CDC25A: variants seen among roughly 807,000 people sequenced by gnomAD.
CDC25A encodes the protein cell division cycle 25A.
CDC25A carries 17 observed loss-of-function variants against 64.6 expected under a neutral mutation model. The ratio of observed to expected loss-of-function variants is 0.26; its 90% CI spans 0.18 to 0.39. The LOEUF (loss-of-function observed/expected upper bound fraction) is 0.39. CDC25A is among the 10% of genes least tolerant of loss of function. CDC25A has a pLI of 1.00. For synonymous variants in CDC25A, 229 were observed against 238.6 expected, an observed-to-expected ratio of 0.96 and a Z score of 0.37; for missense variants, 473 against 654.8, an observed-to-expected ratio of 0.72 and a Z score of 3.03.
chr3:48,186,144 C>G (rs746207877), intron 2 of CDC25A, among the ~76,000 whole-genome samples: 6 of 152,220 alleles, frequency 3.9e-5, no homozygotes, highest in African/African-American at 7.2e-5. Flanking sequence ...CTGAATGCCA[C>G]TTACAGTGGT....
intron 13 of CDC25A, among the ~76,000 whole-genome samples, chr3:48,162,266 TTGTG>T (rs35591959): frequency 8.6e-4 from 124 of 144,786 alleles, no homozygotes; most frequent in Middle Eastern, 3.5e-3. Flanking sequence ...AGTATAACCT[TTGTG>T]TGTGTGTGTG....
chr3:48,164,798 A>G (rs1376736241), intron 12 of CDC25A, among the ~76,000 whole-genome samples: 1 of 152,130 alleles, frequency 6.6e-6, no homozygotes, highest in Admixed American at 6.6e-5. Context: ...TTTAAACACT[A>G]TTAATCGGGT....
chr3:48,180,198 C>T (rs1309592200), intron 6 of CDC25A: 1 of 152,260 alleles, frequency 6.6e-6, no homozygotes, highest in Non-Finnish European at 1.5e-5. Flanking sequence ...AGATTATAGG[C>T]ATGAGCCATG....
At chr3:48,184,158 G>A (rs1022119836) in intron 3 of CDC25A, among the ~76,000 whole-genome samples, 2 of 151,956 alleles carry the variant, frequency 1.3e-5, no homozygotes, top group Non-Finnish European at 2.9e-5. Flanking sequence ...CAGGAGTCTC[G>A]AACTCCTGGC....
rs781124013 is a variant in CDC25A, at chr3:48,184,665, T to C, written c.278A>G (p.Asp93Gly). ...GFCLDSPGPL[D>G]SKENLENPMR... ...AGTGAATACATACTTTTCTTTACTG[T>C]CCAATGGCCCAGGAGAATCTAGACA... Residue 93 changes from aspartate (D) to glycine (G), a missense_variant, in exon 3 of 15, where the codon GAC (aspartate) becomes GGC (glycine). Physicochemically the swap from Asp to Gly is moderately conservative, Grantham distance 94. This residue lies in a region of CDC25A where 376 missense variants were observed against 431.9 expected (regional missense o/e 0.87). Transcript: ENST00000302506. 1 of 1,593,370 alleles carries C rather than the reference T, an allele frequency of 6.3e-7. No homozygotes were observed. Among genetic ancestry groups the C allele is most frequent in the Non-Finnish European group, 8.5e-7 (1 of 1,172,886 alleles).
In CDC25A at chr3:48,167,864, A is replaced by G. The variant is rs773043129; in HGVS notation, c.1011T>C (p.Leu337=). The part of the protein sequence containing the change: ...ENILDNDPRD[L]IGDFSKGYLF... ...CAATTACCTTGGAGAAGTCTCCTAT[A>G]AGGTCCCTTGGGTCATTGTCCAAAA... The change falls in exon 10 of 15, where the codon CTT becomes CTC. Residue 337 remains leucine (L), a synonymous_variant. Transcript: ENST00000302506. 2 of 1,594,082 alleles carry G rather than the reference A, an allele frequency of 1.3e-6. No homozygotes were observed. The highest frequency in any genetic ancestry group is 2.2e-5 in the South Asian group (2 of 90,692).
intron 14 of CDC25A, 119 bp from the exon 15 acceptor site, chr3:48,159,204 T>C (rs931142383): frequency 8.9e-6 from 12 of 1,350,334 alleles, no homozygotes; most frequent in African/African-American, 1.5e-5. Flanking sequence ...GAGCCAGTTC[T>C]ACAGGGGCTT....
chr3:48,177,466 T>A, intron 7 of CDC25A, 24 bp from the exon 8 acceptor site: 1 of 1,584,852 alleles, frequency 6.3e-7, no homozygotes, highest in Non-Finnish European at 8.7e-7. Context: ...AAAACTGATT[T>A]TAAAAAGAGC....
chr3:48,159,163 A>T, intron 14 of CDC25A, 78 bp from the exon 15 acceptor site: 1 of 1,546,962 alleles, frequency 6.5e-7, no homozygotes, highest in South Asian at 1.2e-5. Context: ...GCCTAGGGCT[A>T]CAAGGCTGAA....
rs558740232 is a variant in CDC25A at position 48,157,343 on chromosome 3, G to A, written c.*1602C>T. The stretch of plus-strand genomic sequence containing the variant: ...AACCAGTTGGAATCTGTCTCAATGC[G>A]CGTGTAGGAAGAAGTCCTCTCCCCC... On this transcript the variant is annotated 3_prime_UTR_variant, in exon 15 of 15. Transcript: ENST00000302506. 16 of 152,438 alleles carry A rather than the reference G, an allele frequency of 1.0e-4. No homozygotes were observed. The highest frequency in any genetic ancestry group is 3.9e-4 in the East Asian group (2 of 5,182). The allele number at this position is 152,438 out of a possible 1,614,324, so 9.4% of individuals were successfully genotyped here.
At chr3:48,180,110 TA>T (rs1270093676) in intron 6 of CDC25A, among the ~76,000 whole-genome samples, 2 of 151,704 alleles carry the variant, frequency 1.3e-5, no homozygotes, top group South Asian at 2.1e-4. Flanking sequence ...AAATTAAAAA[TA>T]AAAAAAATAG....
At position 48,174,387 on chromosome 3, in the gene CDC25A, G is replaced by C; in HGVS notation, c.827C>G (p.Pro276Arg). 6.2e-7 allele frequency: 1 copy of C among 1,614,102 alleles called. No individual in the cohort carries two copies. Among genetic ancestry groups the C allele is most frequent in the South Asian group, 1.1e-5 (1 of 91,084 alleles). Residue 276 changes from proline (P) to arginine (R), a missense_variant, in exon 9 of 15, where the codon CCA becomes CGA. Around this residue, in one of 2 missense-constraint regions of CDC25A, gnomAD observed 376 missense variants for 431.9 expected, o/e 0.87. Transcript: ENST00000302506. ...TGGAGACTCCTCTTGAGATCGTTCT[G>C]GTCTCTTCAACACTGACCGAGTGCT... ...SSSTRSVLKR[P>R]ERSQEESPPG...
rs575254536 is a variant in CDC25A, at chr3:48,175,592, T to C, written c.757-1135A>G. ...GAGACCGGGGATTTTCTTCCTCTTT[T>C]GTGTGAAGTTTATTTTCCATTACAG... On this transcript the variant is annotated intron_variant, in intron 8 of 14. Transcript: ENST00000302506. Among the ~76,000 whole-genome samples, 3 of 152,322 alleles carry C rather than the reference T, an allele frequency of 2.0e-5. No individual in the cohort carries two copies. The East Asian group carries it at 5.8e-4, about 29-fold the overall frequency.
At chr3:48,178,832 A>C (rs529232189) in intron 6 of CDC25A, among the ~76,000 whole-genome samples, 1 of 152,228 alleles carries the variant, frequency 6.6e-6, no homozygotes, top group Non-Finnish European at 1.5e-5. Context: ...TCATAAATCC[A>C]CACCTGAAGA....
intron 9 of CDC25A, among the ~76,000 whole-genome samples, chr3:48,171,301 G>T (rs968825081): frequency 1.3e-5 from 2 of 151,972 alleles, no homozygotes; most frequent in Non-Finnish European, 2.9e-5. Flanking sequence ...TTGAACTGGG[G>T]AGGCGGAGGT....
chr3:48,187,008 T>C (rs1423782027), intron 1 of CDC25A, among the ~76,000 whole-genome samples: 1 of 152,210 alleles, frequency 6.6e-6, no homozygotes. Context: ...TTGCAGGTTA[T>C]GATGGCTATG....
Position 48,187,903 on chromosome 3 carries a change from G to A in CDC25A, c.45C>T (p.Phe15=). The A allele has an allele frequency of 6.5e-7, 1 of 1,542,414 alleles. No homozygotes were observed. Among genetic ancestry groups the A allele is most frequent in the Non-Finnish European group, 8.7e-7 (1 of 1,144,654 alleles). ...GCGACGCGGGAGGGGGGCTGCAGGC[G>A]AAGAGCAGGCGGCGGCGGTGCGGGG... The part of the protein sequence containing the change: ...PEPPHRRRLL[F]ACSPPPASQP... The change falls in exon 1 of 15, where the codon TTC becomes TTT. Residue 15 remains phenylalanine, a synonymous_variant. Coordinates refer to ENST00000302506, the MANE Select transcript of CDC25A (RefSeq NM_001789.3).
chr3:48,169,835 C>T (rs1410473364), intron 9 of CDC25A, among the ~76,000 whole-genome samples: 2 of 151,872 alleles, frequency 1.3e-5, no homozygotes, highest in South Asian at 2.1e-4. Context: ...TGGTGAAACC[C>T]CGTCTCTACT....
Position 48,169,486 on chromosome 3 carries a change from G to T in CDC25A, c.931-1542C>A, listed in dbSNP as rs982680967. On this transcript the variant is annotated intron_variant, in intron 9 of 14. Coordinates refer to ENST00000302506, the MANE Select transcript of CDC25A (RefSeq NM_001789.3). Reference sequence around the variant, plus strand: ...GAAGACAATGTCTGAAGACCCCACAGGACTGTGGGAACCTTTGCAGGACAA... The same window carrying T: ...GAAGACAATGTCTGAAGACCCCACATGACTGTGGGAACCTTTGCAGGACAA... Among the ~76,000 whole-genome samples the T allele has an allele frequency of 5.3e-5, 8 of 152,174 alleles. No homozygotes were observed. In the East Asian group the frequency reaches 1.5e-3, roughly 29 times the overall value.
Sources: gnomAD v4.1 joint callset for allele counts (sites outside exome capture counted in the v4.1 genomes callset) on GRCh38, gnomAD v4.1.1 for gene constraint, gnomAD v4.1.1 regional missense constraint, MANE v1.5 for transcripts, NCBI Gene and HGNC (gene_info 2026-07-23, HGNC 2026-07-21) for gene names.